POLD4: variants seen among roughly 807,000 people sequenced by gnomAD.
POLD4 encodes DNA polymerase delta 4, accessory subunit.
POLD4 carries 9 observed loss-of-function variants against 16.5 expected under a neutral mutation model. That is an observed-to-expected ratio of 0.55 (90% CI 0.33 to 0.95). The LOEUF is 0.95. POLD4 is among the 40% of genes least tolerant of loss of function. POLD4 has a pLI of 0.03. For missense variants in POLD4, 129 were observed against 139.7 expected (o/e 0.92, Z 0.39); for synonymous variants, 62 against 57.6 (o/e 1.08, Z -0.35).
At position 67,351,924 on chromosome 11, in the gene POLD4, C is replaced by T. The variant is rs1310323336; in HGVS notation, c.*71G>A. On this transcript the variant is annotated 3_prime_UTR_variant, in exon 4 of 4. Transcript: ENST00000312419. The surrounding 1 kb of genome is among the most constrained non-coding windows in gnomAD (Gnocchi z 4.8). ...GGCTGAGCTGAGCAGGAGCAATGGGCTCTCGCTTCTGTCCTGAGGTTCTTG... is the reference window on the plus strand; with the variant it reads ...GGCTGAGCTGAGCAGGAGCAATGGGTTCTCGCTTCTGTCCTGAGGTTCTTG... 7.3e-6 allele frequency: 11 copies of T among 1,508,272 alleles called. No homozygotes were observed. The highest frequency in any genetic ancestry group is 2.7e-5 in the African/African-American group (2 of 73,062). The allele number at this position is 1,508,272 out of a possible 1,614,324, so 93.4% of individuals were successfully genotyped here.
In POLD4 at chr11:67,353,376, AG is replaced by A; in HGVS notation, c.23del (p.Thr8MetfsTer7). On this transcript the variant is annotated frameshift_variant, in exon 1 of 4. Transcript: ENST00000312419. LOFTEE classifies it high-confidence loss of function. MGRKRLI[T>X]DSYPVVKRRE... The stretch of plus-strand genomic sequence containing the variant: ...TCCTCTTCACAACCGGGTAGGAATC[AG>A]TGATGAGCCGCTTCCGGCCCATGGC... The A allele has an allele frequency of 6.2e-7, 1 of 1,612,180 alleles. No individual in the cohort carries two copies. Among genetic ancestry groups the A allele is most frequent in the Non-Finnish European group, 8.5e-7 (1 of 1,179,974 alleles).
chr11:67,352,745 G>T lies in POLD4; in HGVS notation c.245C>A (p.Pro82Gln). ...RAKQMGLEPP[P>Q]EVWQVLKTHP... Reference sequence around the variant, plus strand: ...GGTCTTCAGCACCTGCCACACCTCTGGGGGAGGCTCCAAGCCCATCTGCTT... The same window carrying T: ...GGTCTTCAGCACCTGCCACACCTCTTGGGGAGGCTCCAAGCCCATCTGCTT... Residue 82 changes from proline (P) to glutamine (Q), a missense_variant, in exon 3 of 4, where the codon CCA becomes CAA. By Grantham distance (76) the Pro-to-Gln change is moderately conservative (BLOSUM62 -1). Transcript: ENST00000312419. 1 of 1,613,368 alleles carries T rather than the reference G, an allele frequency of 6.2e-7. No homozygotes were observed.
Position 67,352,009 on chromosome 11 carries a change from G to C in POLD4, c.310C>G (p.Leu104Val). 9.2e-7 allele frequency: 1 copy of C among 1,088,052 alleles called. No individual in the cohort carries two copies. The highest frequency in any genetic ancestry group is 1.3e-6 in the Non-Finnish European group (1 of 783,118). 67.4% of individuals were successfully genotyped at this position (1,088,052 alleles called of 1,614,324 possible). A position where few individuals can be genotyped will look rare whatever the true frequency, so the allele number is the denominator to read the frequency against. Residue 104 changes from leucine (L) to valine (V), a missense_variant, in exon 4 of 4, where the codon CTC (leucine) becomes GTC (valine). Coordinates refer to ENST00000312419, the MANE Select transcript of POLD4 (RefSeq NM_021173.5). Reference protein sequence around the residue: ...DPRFQCSLWHLYPL With the variant: ...DPRFQCSLWHVYPL ...TACGTGGTGCCTCATAGGGGATAGA[G>C]ATGCCAGAGACTGTGGAAGATGGGG...
chr11:67,351,982 C>T lies in POLD4; in HGVS notation c.*13G>A. 1.5e-6 allele frequency: 2 copies of T among 1,323,438 alleles called. No individual in the cohort carries two copies. Among genetic ancestry groups the T allele is most frequent in the South Asian group, 1.2e-5 (1 of 83,172 alleles). 82.0% of individuals were successfully genotyped at this position (1,323,438 alleles called of 1,614,324 possible). A position where few individuals can be genotyped will look rare whatever the true frequency, so the allele number is the denominator to read the frequency against. ...AGCAAGAGAGCTAAGGGCAGGAGGT[C>T]TTACGTGGTGCCTCATAGGGGATAG... On this transcript the variant is annotated 3_prime_UTR_variant, in exon 4 of 4. Transcript: ENST00000312419. This position sits in a 1 kb window ranked among gnomAD's most constrained non-coding sequence, Gnocchi z 4.8.
intron 1 of POLD4, 75 bp downstream of exon 1, chr11:67,353,228 C>T (rs1455938202): frequency 6.4e-7 from 1 of 1,557,956 alleles, no homozygotes; most frequent in African/African-American, 1.4e-5. Flanking sequence ...TTTCCATCGG[C>T]CCCTCCGCCC....
chr11:67,352,216 G>A (rs950847910), intron 3 of POLD4, 197 bp from the exon 4 acceptor site: 44 of 552,290 alleles, frequency 8.0e-5, no homozygotes, highest in South Asian at 7.8e-4. Flanking sequence ...GCTTGTAGAG[G>A]TAAGAATTAT....
In POLD4 at chr11:67,353,457, C is replaced by G. The variant is rs1042844120; in HGVS notation, c.-58G>C. On this transcript the variant is annotated 5_prime_UTR_variant, in exon 1 of 4. Coordinates refer to ENST00000312419, the MANE Select transcript of POLD4 (RefSeq NM_021173.5). ...ACTGCGGGGAAGAGGAGAGACCGGC[C>G]AGTGGGCGCGAGAAAGACAGCTGCT... 1 of 1,475,256 alleles carries G rather than the reference C, an allele frequency of 6.8e-7. No homozygotes were observed. Among genetic ancestry groups the G allele is most frequent in the East Asian group, 2.3e-5 (1 of 43,654 alleles). The allele number at this position is 1,475,256 out of a possible 1,614,324, so 91.4% of individuals were successfully genotyped here.
At position 67,351,845 on chromosome 11, in the gene POLD4, A is replaced by T. The variant is rs950897195; in HGVS notation, c.*150T>A. On this transcript the variant is annotated 3_prime_UTR_variant, in exon 4 of 4. Coordinates refer to ENST00000312419, the MANE Select transcript of POLD4 (RefSeq NM_021173.5). This position sits in a 1 kb window ranked among gnomAD's most constrained non-coding sequence, Gnocchi z 4.8. ...TGGGAGCCTGCTGGTTAGATGGAGG[A>T]GTTGAGCCTCTGACACCTCCAGGTT... 2.7e-6 allele frequency: 2 copies of T among 733,706 alleles called. No homozygotes were observed. Among genetic ancestry groups the T allele is most frequent in the Non-Finnish European group, 4.6e-6 (2 of 433,016 alleles). The allele number at this position is 733,706 out of a possible 1,614,324, so 45.4% of individuals were successfully genotyped here.
chr11:67,352,820 A>C lies in POLD4; in HGVS notation c.188-18T>G, dbSNP rs1261977839. 1.3e-6 allele frequency: 2 copies of C among 1,577,754 alleles called. No individual in the cohort carries two copies. The highest frequency in any genetic ancestry group is 1.4e-5 in the African/African-American group (1 of 73,314). ...TGTGATCCCTGCCAGGGTGGGAAGA[A>C]GACTCTGGAGACTTGTGGGGGGTGG... is the stretch of plus-strand genomic sequence containing the variant. On this transcript the variant is annotated intron_variant, in intron 2 of 3. Coordinates refer to ENST00000312419, the MANE Select transcript of POLD4 (RefSeq NM_021173.5).
Position 67,353,531 on chromosome 11 carries a change from A to G in POLD4, c.-132T>C, listed in dbSNP as rs1861926180. The G allele has an allele frequency of 1.4e-6, 1 of 719,948 alleles. No homozygotes were observed. The highest frequency in any genetic ancestry group is 2.8e-5 in the East Asian group (1 of 35,244). The allele number at this position is 719,948 out of a possible 1,614,324, so 44.6% of individuals were successfully genotyped here. A position where few individuals can be genotyped will look rare whatever the true frequency, so the allele number is the denominator to read the frequency against. Reference sequence around the variant, plus strand: ...CAGCGGCGGGCAGACAAGATGACCCAGACAAACCGAGAGAGGAAGTCGCCG... The same window carrying G: ...CAGCGGCGGGCAGACAAGATGACCCGGACAAACCGAGAGAGGAAGTCGCCG... On this transcript the variant is annotated 5_prime_UTR_variant, in exon 1 of 4. Transcript: ENST00000312419.
chr11:67,353,356 T>G lies in POLD4; in HGVS notation c.44A>C (p.Lys15Thr). 1 of 1,612,460 alleles carries G rather than the reference T, an allele frequency of 6.2e-7. No individual in the cohort carries two copies. The highest frequency in any genetic ancestry group is 8.5e-7 in the Non-Finnish European group (1 of 1,179,966). Reference protein sequence around the residue: ...RLITDSYPVVKRREGPAGHSK... With the variant: ...RLITDSYPVVTRREGPAGHSK... ...GTGCCCAGCGGGCCCCTCCCTCCTC[T>G]TCACAACCGGGTAGGAATCAGTGAT... The change falls in exon 1 of 4, where the codon AAG becomes ACG. Residue 15 changes from lysine to threonine, a missense_variant. Transcript: ENST00000312419.
Position 67,352,009 on chromosome 11 carries a change from G to A in POLD4, c.310C>T (p.Leu104Phe), listed in dbSNP as rs778296106. ...DPRFQCSLWH[L>F]YPL ...TACGTGGTGCCTCATAGGGGATAGA[G>A]ATGCCAGAGACTGTGGAAGATGGGG... The change falls in exon 4 of 4, where the codon CTC (leucine) becomes TTC (phenylalanine). Residue 104 changes from leucine (L) to phenylalanine (F), a missense_variant. Transcript: ENST00000312419. The A allele has an allele frequency of 3.6e-5, 39 of 1,088,052 alleles. No homozygotes were observed. The South Asian group carries it at 4.9e-4, about 14-fold the overall frequency. The allele number at this position is 1,088,052 out of a possible 1,614,324, so 67.4% of individuals were successfully genotyped here.
Position 67,352,025 on chromosome 11 carries a change from G to T in POLD4, c.300-6C>A. Reference sequence around the variant, plus strand: ...GGGGATAGAGATGCCAGAGACTGTGGAAGATGGGGTGGGAGGGAGGGATAC... The same window carrying T: ...GGGGATAGAGATGCCAGAGACTGTGTAAGATGGGGTGGGAGGGAGGGATAC... On this transcript the variant is annotated splice_region_variant and splice_polypyrimidine_tract_variant and intron_variant, in intron 3 of 3. Coordinates refer to ENST00000312419, the MANE Select transcript of POLD4 (RefSeq NM_021173.5). The T allele has an allele frequency of 1.9e-6, 1 of 515,522 alleles. No individual in the cohort carries two copies. The highest frequency in any genetic ancestry group is 2.1e-5 in the African/African-American group (1 of 47,030). 31.9% of individuals were successfully genotyped at this position (515,522 alleles called of 1,614,324 possible). A position where few individuals can be genotyped will look rare whatever the true frequency, so the allele number is the denominator to read the frequency against.
chr11:67,351,502 G>A lies in POLD4; in HGVS notation c.*493C>T, dbSNP rs1415924765. 1 of 154,878 alleles carries A rather than the reference G, an allele frequency of 6.5e-6. No homozygotes were observed. The highest frequency in any genetic ancestry group is 1.4e-5 in the Non-Finnish European group (1 of 69,374). 9.6% of individuals were successfully genotyped at this position (154,878 alleles called of 1,614,324 possible). On this transcript the variant is annotated 3_prime_UTR_variant, in exon 4 of 4. Coordinates refer to ENST00000312419, the MANE Select transcript of POLD4 (RefSeq NM_021173.5). The surrounding 1 kb of genome is among the most constrained non-coding windows in gnomAD (Gnocchi z 4.8). ...CTCTCTCATCTCCTAACTTGCTAGG[G>A]ACTGCCAGTCAAAGCAGGGCCACAG...
intron 3 of POLD4, chr11:67,352,247 C>G (rs766996281): frequency 2.0e-6 from 1 of 488,650 alleles, no homozygotes; most frequent in East Asian, 3.7e-5. Flanking sequence ...TGGTGGCTCA[C>G]GCCTGTAATC....
At chr11:67,353,256 A>G (rs1464525835) in intron 1 of POLD4, 47 bp downstream of exon 1, 2 of 1,588,640 alleles carry the variant, frequency 1.3e-6, no homozygotes, top group Admixed American at 3.4e-5. Context: ...GGCCTCCTCT[A>G]GGCCCCTCCG....
chr11:67,351,971 G>A lies in POLD4; in HGVS notation c.*24C>T. ...CTTGGGTGGTGAGCAAGAGAGCTAA[G>A]GGCAGGAGGTCTTACGTGGTGCCTC... On this transcript the variant is annotated 3_prime_UTR_variant, in exon 4 of 4. Coordinates refer to ENST00000312419, the MANE Select transcript of POLD4 (RefSeq NM_021173.5). This position sits in a 1 kb window ranked among gnomAD's most constrained non-coding sequence, Gnocchi z 4.8. The A allele has an allele frequency of 6.3e-7, 1 of 1,588,332 alleles. No homozygotes were observed. Among genetic ancestry groups the A allele is most frequent in the Non-Finnish European group, 8.6e-7 (1 of 1,168,218 alleles).
chr11:67,352,548 C>T lies in POLD4; in HGVS notation c.299+143G>A, dbSNP rs28364244. On this transcript the variant is annotated intron_variant, in intron 3 of 3. Transcript: ENST00000312419. ...TATTATAGTGGCGTGTCCTCCTGAG[C>T]CAGGCACCTCATAGAATCTTCTTGC... 8.2e-6 allele frequency: 5 copies of T among 610,984 alleles called. No individual in the cohort carries two copies. In the African/African-American group the frequency reaches 9.4e-5, roughly 12 times the overall value. 37.8% of individuals were successfully genotyped at this position (610,984 alleles called of 1,614,324 possible). A position where few individuals can be genotyped will look rare whatever the true frequency, so the allele number is the denominator to read the frequency against.
Position 67,353,055 on chromosome 11 carries a change from G to A in POLD4, c.120C>T (p.Asp40=), listed in dbSNP as rs1454872815. 3.1e-6 allele frequency: 5 copies of A among 1,589,586 alleles called. No homozygotes were observed. Among genetic ancestry groups the A allele is most frequent in the Non-Finnish European group, 4.3e-6 (5 of 1,167,942 alleles). Residue 40 remains aspartate, a synonymous_variant, in exon 2 of 4, where the codon GAC becomes GAT. Transcript: ENST00000312419. ...PELGEEPQPR[D]EEEAELELLR... ...GCAGCTCCAGCTCCGCTTCCTCCTC[G>A]TCGCGGGGCTGGGGCTCCTCCCCTG...
Sources: gnomAD v4.1 joint callset for allele counts on GRCh38, gnomAD v4.1.1 for gene constraint, Gnocchi (gnomAD v3.1) non-coding constraint, MANE v1.5 for transcripts, NCBI Gene and HGNC (gene_info 2026-07-23, HGNC 2026-07-21) for gene names.